Variants in CCDC32 observed in about 807,000 individuals in gnomAD.
The protein encoded by CCDC32 is coiled-coil domain containing 32.
In CCDC32, 9 loss-of-function variants were observed where a neutral mutation model predicts 20.1. That is an observed-to-expected ratio of 0.45 (90% CI 0.27 to 0.78). The LOEUF is 0.78. Ranked by LOEUF, CCDC32 falls within the 30% of genes least tolerant of loss-of-function variation. The pLI is 0.16. For synonymous variants in CCDC32, 63 were observed against 79.0 expected, an observed-to-expected ratio of 0.80 and a Z score of 1.07; for missense variants, 204 against 215.5, an observed-to-expected ratio of 0.95 and a Z score of 0.33.
chr15:40,550,940 A>G (rs192587165), downstream of CCDC32, among the ~76,000 whole-genome samples: 222 of 152,352 alleles, frequency 1.5e-3, no homozygotes, highest in Admixed American at 3.9e-3. Flanking sequence ...GTACAGAAAC[A>G]TTCTCTTACC....
At chr15:40,535,527 G>A (rs1255616586), downstream of CCDC32, 1 of 985,504 alleles carries the variant, frequency 1.0e-6, no homozygotes, top group African/African-American at 1.8e-5. Context: ...AGTTTTCAGG[G>A]CCCGCCCCTT....
chr15:40,555,480 C>T (rs1001576614), intron 3 of CCDC32, among the ~76,000 whole-genome samples: 1 of 152,082 alleles, frequency 6.6e-6, no homozygotes, highest in Admixed American at 6.6e-5. Flanking sequence ...TAAGTAAATA[C>T]CAAATTATCA....
downstream of CCDC32, among the ~76,000 whole-genome samples, chr15:40,552,481 C>CA (rs58360713): frequency 2.0e-3 from 185 of 94,318 alleles, 3 homozygotes; most frequent in East Asian, 9.9e-3. Flanking sequence ...AACTCCATCT[C>CA]AAAAAAAAAA....
downstream of CCDC32, among the ~76,000 whole-genome samples, chr15:40,532,714 CTTTTTTTTTTTTTTT>C (rs1189285245): frequency 2.2e-5 from 2 of 91,486 alleles, no homozygotes; most frequent in Non-Finnish European, 2.2e-5. Context: ...TGTTTTCTTT[CTTTTTTTTTTTTTTT>C]TTTTTTTTTT....
chr15:40,528,452 C>A (rs141681862), downstream of CCDC32, among the ~76,000 whole-genome samples: 78 of 152,252 alleles, frequency 5.1e-4, 1 homozygote, highest in Non-Finnish European at 1.0e-3. Context: ...AAGGCCAGAC[C>A]AAGGGAGGAG....
the CCDC32 span, among the ~76,000 whole-genome samples, chr15:40,522,828 CTTTTTTTTT>C: frequency 6.9e-5 from 9 of 131,168 alleles, no homozygotes; most frequent in South Asian, 1.7e-3. Flanking sequence ...GTTTTCCTTT[CTTTTTTTTT>C]TTTTTTTTTG....
the CCDC32 span, among the ~76,000 whole-genome samples, chr15:40,521,211 C>A: frequency 6.6e-6 from 1 of 152,064 alleles, no homozygotes; most frequent in Admixed American, 6.6e-5. Context: ...TTTTCATCAC[C>A]CCCGAAAAAG....
At chr15:40,562,651 C>T in intron 2 of CCDC32, 121 bp downstream of exon 2, 2 of 1,177,712 alleles carry the variant, frequency 1.7e-6, no homozygotes, top group South Asian at 3.0e-5. Flanking sequence ...CGGCTTGAAA[C>T]ATCCCTTGGA....
downstream of CCDC32, chr15:40,532,287 T>G: frequency 2.8e-6 from 2 of 703,074 alleles, no homozygotes; most frequent in Non-Finnish European, 2.6e-6. Flanking sequence ...AAATTCTACT[T>G]TGCAATTGTA....
At position 40,558,235 on chromosome 15, in the gene CCDC32, C is replaced by T. The variant is rs866679949; in HGVS notation, c.245-863G>A. 2.1e-4 allele frequency among the ~76,000 whole-genome samples: 32 copies of T among 152,248 alleles called. No individual in the cohort carries two copies. In the Middle Eastern group the frequency reaches 0.01, roughly 49 times the overall value. On this transcript the variant is annotated intron_variant, in intron 2 of 3. Transcript: ENST00000416810. ...ACATCAAGCTTAGAACCAATAGAAA[C>T]TATGATTTGCAGTTCTGTTTTCATT...
At chr15:40,529,851 C>T (rs1028694668) in intron 3 of CCDC32, among the ~76,000 whole-genome samples, 5 of 150,910 alleles carry the variant, frequency 3.3e-5, no homozygotes, top group African/African-American at 1.2e-4. Context: ...TTAGTAGAGA[C>T]GGGGTTTCAG....
downstream of CCDC32, among the ~76,000 whole-genome samples, chr15:40,523,864 C>T (rs976800371): frequency 6.6e-6 from 1 of 152,152 alleles, no homozygotes. Context: ...TTAAATGGGA[C>T]AACCACTTTA....
At chr15:40,547,242 G>A (rs984003451) in intron 3 of CCDC32, among the ~76,000 whole-genome samples, 50 of 152,234 alleles carry the variant, frequency 3.3e-4, no homozygotes, top group African/African-American at 1.2e-3. Context: ...GGACTGGGGT[G>A]TCAGGGCTTC....
At chr15:40,548,123 A>T (rs966274594), downstream of CCDC32, among the ~76,000 whole-genome samples, 1 of 151,924 alleles carries the variant, frequency 6.6e-6, no homozygotes, top group Non-Finnish European at 1.5e-5. Flanking sequence ...CCCTAACACT[A>T]TCTCTCCTTT....
intron 3 of CCDC32, among the ~76,000 whole-genome samples, chr15:40,540,338 GTTC>G (rs1566979715): frequency 2.7e-5 from 4 of 149,858 alleles, no homozygotes; most frequent in African/African-American, 9.8e-5. Context: ...ATTCTTTGTC[GTTC>G]TTCTTAGCAT....
chr15:40,564,458 A>C (rs1315261668), intron 1 of CCDC32, among the ~76,000 whole-genome samples: 1 of 152,036 alleles, frequency 6.6e-6, no homozygotes, highest in East Asian at 1.9e-4. Flanking sequence ...GCTTGTTTGG[A>C]AAATATAACG....
downstream of CCDC32, among the ~76,000 whole-genome samples, chr15:40,552,632 G>A (rs76904858): frequency 4.6e-3 from 691 of 151,754 alleles, 12 homozygotes; most frequent in African/African-American, 0.016. Flanking sequence ...AACAATAGCC[G>A]GGTGTAGTGG....
intron 1 of CCDC32, among the ~76,000 whole-genome samples, chr15:40,563,881 C>T (rs954971644): frequency 1.9e-4 from 28 of 151,030 alleles, no homozygotes; most frequent in Non-Finnish European, 3.7e-4. Context: ...AGTGCAGTGG[C>T]GCTAACTTGG....
At position 40,554,871 on chromosome 15, in the gene CCDC32, A is replaced by G. The variant is rs542201538; in HGVS notation, c.402-744T>C. ...CTAGAAATAATGTAAACCTTATTCT[A>G]TGCTCCTCAATAGCACAAAGTCTTA... is the stretch of plus-strand genomic sequence containing the variant. On this transcript the variant is annotated intron_variant, in intron 3 of 3. Coordinates refer to ENST00000416810, the MANE Select transcript of CCDC32 (RefSeq NM_001080792.4). Among the ~76,000 whole-genome samples, 20 of 152,360 alleles carry G rather than the reference A, an allele frequency of 1.3e-4. No individual in the cohort carries two copies. The East Asian group carries it at 1.7e-3, about 13-fold the overall frequency.
Sources: allele counts gnomAD v4.1 joint callset (sites outside exome capture counted in the v4.1 genomes callset), GRCh38; gene constraint gnomAD v4.1.1; transcripts MANE v1.5; gene names NCBI Gene and HGNC (gene_info 2026-07-23, HGNC 2026-07-21).